Variants in ETS1 observed in about 807,000 individuals in gnomAD.
ETS1 encodes the protein protein C-ets-1.
ETS1 carries 15 observed loss-of-function variants against 58.6 expected under a neutral mutation model. That is an observed-to-expected ratio of 0.26 (90% confidence interval 0.17 to 0.39). The LOEUF (loss-of-function observed/expected upper bound fraction) is 0.39, where lower values mean the gene tolerates loss of function less well. Among genes scored for constraint, ETS1 ranks in the 10% least tolerant of loss-of-function variants. The pLI is 1.00. For synonymous variants in ETS1, 214 were observed against 218.2 expected (o/e 0.98, Z 0.17); for missense variants, 417 against 610.5 (o/e 0.68, Z 3.34).
intron 2 of ETS1, among the ~76,000 whole-genome samples, chr11:128,558,665 AAAAAAAAAAAAAAAAAAAAGAG>A (rs1279347505): frequency 1.6e-3 from 6 of 3,866 alleles, no homozygotes; most frequent in Non-Finnish European, 3.0e-3. Flanking sequence ...AAAAAAAAAA[AAAAAAAAAAAAAAAAAAAAGAG>A]AGAGAGAGAG....
At chr11:128,562,201 G>A (rs1051262750) in intron 2 of ETS1, among the ~76,000 whole-genome samples, 2 of 152,164 alleles carry the variant, frequency 1.3e-5, no homozygotes, top group African/African-American at 4.8e-5. Context: ...ACAAGGTCAG[G>A]AGTTCAAGAC....
intron 8 of ETS1, among the ~76,000 whole-genome samples, chr11:128,478,823 A>G (rs555705856): frequency 4.6e-5 from 7 of 152,206 alleles, no homozygotes; most frequent in Admixed American, 1.3e-4. Context: ...AAATGGATAT[A>G]CTTCCTAATA....
At chr11:128,466,252 T>C (rs1309661491) in intron 8 of ETS1, among the ~76,000 whole-genome samples, 2 of 152,204 alleles carry the variant, frequency 1.3e-5, no homozygotes, top group African/African-American at 4.8e-5. Flanking sequence ...ATGTTCACCT[T>C]TGAACCTCTC....
chr11:128,490,335 G>T, intron 4 of ETS1, 122 bp downstream of exon 4: 1 of 962,802 alleles, frequency 1.0e-6, no homozygotes, highest in Non-Finnish European at 1.6e-6. Flanking sequence ...GGCAGCCATG[G>T]CCCATAGCTG....
intron 3 of ETS1, among the ~76,000 whole-genome samples, chr11:128,505,873 C>G (rs933262472): frequency 1.3e-5 from 2 of 152,178 alleles, no homozygotes; most frequent in African/African-American, 4.8e-5. Context: ...CCAAGCTCCC[C>G]GGACTGAACT....
chr11:128,541,678 AC>A (rs1222275390), intron 3 of ETS1, among the ~76,000 whole-genome samples: 1 of 152,160 alleles, frequency 6.6e-6, no homozygotes, highest in African/African-American at 2.4e-5. Flanking sequence ...AATGATCCTG[AC>A]AGATTAATTT....
chr11:128,579,255 CA>C (rs1379787467), intron 1 of ETS1, among the ~76,000 whole-genome samples: 6 of 152,152 alleles, frequency 3.9e-5, no homozygotes, highest in Non-Finnish European at 7.4e-5. Context: ...GAAAACAATG[CA>C]AAATTTGAAT....
intron 8 of ETS1, among the ~76,000 whole-genome samples, chr11:128,468,001 T>A (rs902991336): frequency 1.3e-5 from 2 of 152,136 alleles, no homozygotes; most frequent in African/African-American, 4.8e-5. Flanking sequence ...CTTCTACTGC[T>A]TTGTTCTTCT....
At chr11:128,494,805 T>C (rs1440119406) in intron 3 of ETS1, among the ~76,000 whole-genome samples, 3 of 152,150 alleles carry the variant, frequency 2.0e-5, no homozygotes, top group Non-Finnish European at 4.4e-5. Context: ...TCTCAATCAA[T>C]GATCATGTGA....
intron 1 of ETS1, among the ~76,000 whole-genome samples, chr11:128,578,861 T>C (rs1864805970): frequency 6.6e-6 from 1 of 152,238 alleles, no homozygotes; most frequent in Non-Finnish European, 1.5e-5. Flanking sequence ...ATATCATACT[T>C]TTAAAGAGCC....
intron 3 of ETS1, among the ~76,000 whole-genome samples, chr11:128,541,055 A>G (rs1203149950): frequency 6.6e-6 from 1 of 151,478 alleles, no homozygotes; most frequent in Non-Finnish European, 1.5e-5. Context: ...AAACCCCCTC[A>G]CCCTCAGTTT....
chr11:128,472,666 A>G (rs71481809), intron 8 of ETS1, among the ~76,000 whole-genome samples: 130 of 152,272 alleles, frequency 8.5e-4, no homozygotes, highest in Non-Finnish European at 1.4e-3. Flanking sequence ...CAGTGAGGGC[A>G]TGCAGGTCCA....
At chr11:128,540,894 G>A (rs1052845618) in intron 3 of ETS1, among the ~76,000 whole-genome samples, 3 of 152,172 alleles carry the variant, frequency 2.0e-5, no homozygotes, top group Non-Finnish European at 2.9e-5. Flanking sequence ...ATCAACACAG[G>A]AGAGAGAAGA....
chr11:128,490,558 A>G lies in ETS1; in HGVS notation c.233T>C (p.Val78Ala). 6.2e-7 allele frequency: 1 copy of G among 1,611,632 alleles called. No individual in the cohort carries two copies. The highest frequency in any genetic ancestry group is 8.5e-7 in the Non-Finnish European group (1 of 1,177,826). ...HCVSDMECAD[V>A]PLLTPSSKEM... ...TTTGCTGCTTGGAGTTAATAGTGGG[A>G]CATCTGCACATTCCATATCTGCATG... The change falls in exon 4 of 10, where the codon GTC becomes GCC. Residue 78 changes from valine (V) to alanine (A), a missense_variant. Coordinates refer to ENST00000392668, the MANE Select transcript of ETS1 (RefSeq NM_001143820.2).
chr11:128,521,836 G>A (rs751309899), intron 3 of ETS1: 30 of 1,181,940 alleles, frequency 2.5e-5, no homozygotes, highest in Middle Eastern at 2.6e-4. Flanking sequence ...AGGGAACGGC[G>A]AAAGGGGGAA....
intron 8 of ETS1, among the ~76,000 whole-genome samples, chr11:128,465,681 A>T (rs1451620412): frequency 6.6e-6 from 1 of 152,348 alleles, no homozygotes; most frequent in Middle Eastern, 3.4e-3. Flanking sequence ...TATGTAAAAG[A>T]AGCCTCGGAG....
chr11:128,522,762 TCATTC>T (rs1383906266), intron 3 of ETS1, among the ~76,000 whole-genome samples: 1 of 152,218 alleles, frequency 6.6e-6, no homozygotes, highest in Non-Finnish European at 1.5e-5. Flanking sequence ...TGTACATCAT[TCATTC>T]ACAAAGACTG....
At chr11:128,518,648 C>G (rs531977521) in intron 3 of ETS1, among the ~76,000 whole-genome samples, 1 of 152,324 alleles carries the variant, frequency 6.6e-6, no homozygotes, top group East Asian at 1.9e-4. Context: ...GCTCTTTAGT[C>G]TCTAATGGAG....
chr11:128,524,414 A>G (rs1863761154), intron 3 of ETS1, among the ~76,000 whole-genome samples: 1 of 152,342 alleles, frequency 6.6e-6, no homozygotes, highest in Non-Finnish European at 1.5e-5. Flanking sequence ...ACAGGCTGCC[A>G]GGAAAGTTAC....
Sources: gnomAD v4.1 joint callset for allele counts (sites outside exome capture counted in the v4.1 genomes callset) on GRCh38, gnomAD v4.1.1 for gene constraint, MANE v1.5 for transcripts, NCBI Gene and HGNC (gene_info 2026-07-23, HGNC 2026-07-21) for gene names.